The following C10orf90 variants were observed in gnomAD, a reference collection of about 807,000 sequenced individuals.
C10orf90 encodes (E2-independent) E3 ubiquitin-conjugating enzyme FATS.
C10orf90 carries 56 observed loss-of-function variants against 62.5 expected under a neutral mutation model. The observed-to-expected ratio is 0.90, with a 90% CI of 0.72 to 1.12. The LOEUF (loss-of-function observed/expected upper bound fraction) is 1.12. Among genes scored for constraint, C10orf90 ranks in the 50% most tolerant of loss-of-function variants. C10orf90 has a pLI of 0.00. For synonymous variants in C10orf90, 386 were observed against 340.4 expected (o/e 1.13, Z -1.47); for missense variants, 970 against 880.4 (o/e 1.10, Z -1.29).
At chr10:126,637,892 T>G (rs75298456) in intron 2 of C10orf90, among the ~76,000 whole-genome samples, 1 of 151,678 alleles carries the variant, frequency 6.6e-6, no homozygotes, top group Non-Finnish European at 1.5e-5. Context: ...TAGATGGAGA[T>G]GAGAATGAGG....
At chr10:126,593,094 TA>T (rs1350459750) in intron 2 of C10orf90, among the ~76,000 whole-genome samples, 2 of 152,206 alleles carry the variant, frequency 1.3e-5, no homozygotes, top group African/African-American at 2.4e-5. Context: ...GGTGACAAAG[TA>T]AATCAATTCA....
At chr10:126,512,430 G>A (rs1158296687) in intron 3 of C10orf90, among the ~76,000 whole-genome samples, 1 of 150,216 alleles carries the variant, frequency 6.7e-6, no homozygotes, top group Non-Finnish European at 1.5e-5. Flanking sequence ...GTGTGTGTGT[G>A]TTACAGGGAT....
chr10:126,430,901 A>G (rs765623909), intron 7 of C10orf90, among the ~76,000 whole-genome samples: 41 of 152,318 alleles, frequency 2.7e-4, no homozygotes, highest in Admixed American at 7.2e-4. Flanking sequence ...AGGAATATCT[A>G]AGAAGGTAGG....
intron 2 of C10orf90, among the ~76,000 whole-genome samples, chr10:126,530,515 C>T (rs1864065477): frequency 6.6e-6 from 1 of 151,598 alleles, no homozygotes; most frequent in Non-Finnish European, 1.5e-5. Context: ...AAATACCTTA[C>T]CAAAATGATA....
intron 2 of C10orf90, among the ~76,000 whole-genome samples, chr10:126,564,459 T>G (rs552556040): frequency 1.3e-5 from 2 of 151,882 alleles, no homozygotes; most frequent in East Asian, 3.9e-4. Flanking sequence ...AGCTTGGCTC[T>G]CAGAGGAGGC....
At chr10:126,552,523 A>G (rs2133978687) in intron 2 of C10orf90, among the ~76,000 whole-genome samples, 1 of 152,326 alleles carries the variant, frequency 6.6e-6, no homozygotes, top group East Asian at 1.9e-4. Context: ...GTTGTCCATC[A>G]TCCAGGCGTT....
At chr10:126,525,027 C>T (rs552828695) in intron 2 of C10orf90, among the ~76,000 whole-genome samples, 2 of 152,292 alleles carry the variant, frequency 1.3e-5, no homozygotes, top group East Asian at 3.9e-4. Context: ...CTTCTGTGGA[C>T]AAGAGTGGCC....
At chr10:126,662,904 T>C (rs570591811) in intron 1 of C10orf90, among the ~76,000 whole-genome samples, 20 of 152,032 alleles carry the variant, frequency 1.3e-4, no homozygotes, top group Middle Eastern at 3.4e-3. Context: ...GGATCCACAA[T>C]CTGGGTAGAC....
At chr10:126,472,507 C>A (rs1471173387) in intron 4 of C10orf90, among the ~76,000 whole-genome samples, 1 of 152,096 alleles carries the variant, frequency 6.6e-6, no homozygotes, top group Non-Finnish European at 1.5e-5. Flanking sequence ...ACAGGTTCAT[C>A]GAGACATGCC....
intron 4 of C10orf90, among the ~76,000 whole-genome samples, chr10:126,485,552 A>C (rs1199514584): frequency 1.3e-5 from 2 of 152,194 alleles, no homozygotes; most frequent in African/African-American, 4.8e-5. Context: ...CCAACTTAAC[A>C]TTCTAGTGGG....
At chr10:126,565,012 T>TATATATAATATATAATATATAA (rs1844297810) in intron 2 of C10orf90, among the ~76,000 whole-genome samples, 1 of 10,248 alleles carries the variant, frequency 9.8e-5, no homozygotes. Flanking sequence ...ATAATATATA[T>TATATATAATATATAATATATAA]AATATATATT....
chr10:126,602,711 G>A (rs1845222406), intron 2 of C10orf90, among the ~76,000 whole-genome samples: 1 of 151,118 alleles, frequency 6.6e-6, no homozygotes, highest in Non-Finnish European at 1.5e-5. Context: ...AGCAAGATGG[G>A]TCTTATAAGG....
rs111758089 is a variant in C10orf90, at chr10:126,477,543, G to A, written c.1535-12557C>T. Among the ~76,000 whole-genome samples, 260 of 152,192 alleles carry A rather than the reference G, an allele frequency of 1.7e-3. 1 individual carries two copies. The highest frequency in any genetic ancestry group is 5.8e-3 in the African/African-American group (241 of 41,520). ...TAAAAAGTGAGTTTTCAGGAAGCTG[G>A]TCTTTAGGTTGCATTTGCTTGTTTC... is the stretch of plus-strand genomic sequence containing the variant. On this transcript the variant is annotated intron_variant, in intron 4 of 9. Coordinates refer to ENST00000488181, the MANE Select transcript of C10orf90 (RefSeq NM_001350921.2).
Position 126,509,184 on chromosome 10 carries a change from A to G in C10orf90, c.406-4099T>C, listed in dbSNP as rs78354390. On this transcript the variant is annotated intron_variant, in intron 3 of 9. Transcript: ENST00000488181. ...AACGGATGAGGGAAGAGCAATCATG[A>G]ATGGCATGAACTTCAACTTATTTCT... Among the ~76,000 whole-genome samples, 1,042 of 152,310 alleles carry G rather than the reference A, an allele frequency of 6.8e-3. 10 individuals are homozygous for G. The highest frequency in any genetic ancestry group is 0.023 in the African/African-American group (971 of 41,568).
intron 5 of C10orf90, among the ~76,000 whole-genome samples, chr10:126,464,078 C>T (rs1191787800): frequency 6.6e-6 from 1 of 152,156 alleles, no homozygotes; most frequent in Non-Finnish European, 1.5e-5. Flanking sequence ...AACCGGGCAC[C>T]ACAGGACGTT....
intron 4 of C10orf90, among the ~76,000 whole-genome samples, chr10:126,480,585 G>A (rs968205324): frequency 6.6e-6 from 1 of 152,246 alleles, no homozygotes; most frequent in East Asian, 1.9e-4. Flanking sequence ...TGAACATACA[G>A]CGGCCTGCCC....
chr10:126,554,633 T>G (rs759428241), intron 2 of C10orf90, among the ~76,000 whole-genome samples: 92 of 152,228 alleles, frequency 6.0e-4, no homozygotes, highest in Middle Eastern at 3.2e-3. Flanking sequence ...TTAATTTTAC[T>G]CTCACAGTGA....
chr10:126,632,235 G>C (rs1845864642), intron 2 of C10orf90, among the ~76,000 whole-genome samples: 1 of 151,886 alleles, frequency 6.6e-6, no homozygotes, highest in African/African-American at 2.4e-5. Context: ...GGGTTCTAAT[G>C]CTGTGTTGGG....
chr10:126,467,145 A>G (rs1412103661), intron 4 of C10orf90, among the ~76,000 whole-genome samples: 2 of 152,292 alleles, frequency 1.3e-5, no homozygotes, highest in Middle Eastern at 3.4e-3. Context: ...TCATCTATCT[A>G]TCTATCTCTG....
Sources: gnomAD v4.1 joint callset for allele counts (sites outside exome capture counted in the v4.1 genomes callset) on GRCh38, gnomAD v4.1.1 for gene constraint, MANE v1.5 for transcripts, NCBI Gene and HGNC (gene_info 2026-07-23, HGNC 2026-07-21) for gene names.